Variants in ADCY5 observed in about 807,000 individuals in gnomAD.
ADCY5 encodes adenylate cyclase 5, also known as adenylate cyclase type 5.
In ADCY5, 30 loss-of-function variants were observed where a neutral mutation model predicts 119.7. The observed-to-expected ratio is 0.25, with a 90% CI of 0.19 to 0.34. ADCY5 has a LOEUF of 0.34. ADCY5 is among the 10% of genes least tolerant of loss of function. The pLI is 1.00. For synonymous variants in ADCY5, 753 were observed against 762.2 expected (o/e 0.99, Z 0.20); for missense variants, 1,324 against 1,775.2 (o/e 0.75, Z 4.57).
chr3:123,416,193 G>T (rs769804772), intron 1 of ADCY5: 2 of 1,536,058 alleles, frequency 1.3e-6, no homozygotes, highest in South Asian at 2.4e-5. Context: ...CCCTCCGTGG[G>T]GCCCATTCTC....
intron 1 of ADCY5, among the ~76,000 whole-genome samples, chr3:123,401,962 A>G (rs1944768544): frequency 6.6e-6 from 1 of 152,208 alleles, no homozygotes; most frequent in African/African-American, 2.4e-5. Context: ...CAGCCTCGAC[A>G]GGCTGGAGCA....
chr3:123,448,644 G>T lies in ADCY5; in HGVS notation c.-99C>A. ...CGGCCGAGCAGGGGGACCAGGCTAG[G>T]GTCACACGTCGGGGGCGGCCCGGGG... On this transcript the variant is annotated 5_prime_UTR_variant, in exon 1 of 21. Transcript: ENST00000462833. 2.6e-6 allele frequency: 3 copies of T among 1,150,138 alleles called. No individual in the cohort carries two copies. The highest frequency in any genetic ancestry group is 3.3e-6 in the Non-Finnish European group (3 of 909,180). The allele number at this position is 1,150,138 out of a possible 1,614,324, so 71.2% of individuals were successfully genotyped here. A position where few individuals can be genotyped will look rare whatever the true frequency, so the allele number is the denominator to read the frequency against.
At chr3:123,420,657 TG>T (rs940634911) in intron 1 of ADCY5, among the ~76,000 whole-genome samples, 2 of 152,154 alleles carry the variant, frequency 1.3e-5, no homozygotes, top group Admixed American at 1.3e-4. Flanking sequence ...TGTTTGTCCC[TG>T]GGGGGTAACA....
In ADCY5 at chr3:123,331,110, G is replaced by A; in HGVS notation, c.1519-94C>T. On this transcript the variant is annotated intron_variant, in intron 4 of 20. Coordinates refer to ENST00000462833, the MANE Select transcript of ADCY5 (RefSeq NM_183357.3). ...AGCAAAAAGATTCACCCCGTGCCTG[G>A]AATAACTTGCCTTTTAGGGCAGTGA... 6.4e-6 allele frequency: 9 copies of A among 1,407,830 alleles called. No homozygotes were observed. In the Middle Eastern group the frequency reaches 6.9e-4, roughly 108 times the overall value. 87.2% of individuals were successfully genotyped at this position (1,407,830 alleles called of 1,614,324 possible).
At chr3:123,314,999 C>T (rs576700087) in intron 11 of ADCY5, among the ~76,000 whole-genome samples, 6 of 152,312 alleles carry the variant, frequency 3.9e-5, no homozygotes, top group African/African-American at 1.4e-4. Flanking sequence ...GTGCAGATCA[C>T]AGGTGACCTT....
At chr3:123,429,899 CCAA>C (rs1945489137) in intron 1 of ADCY5, among the ~76,000 whole-genome samples, 1 of 152,196 alleles carries the variant, frequency 6.6e-6, no homozygotes, top group African/African-American at 2.4e-5. Context: ...CTCACCTGCC[CCAA>C]CGGCTGCCCT....
intron 1 of ADCY5, among the ~76,000 whole-genome samples, chr3:123,375,978 T>C (rs1393823729): frequency 6.9e-6 from 1 of 144,538 alleles, no homozygotes; most frequent in Non-Finnish European, 1.5e-5. Context: ...GTACTGATGG[T>C]GATGAGGAGT....
intron 8 of ADCY5, 101 bp from the exon 9 acceptor site, chr3:123,320,872 C>T (rs887117650): frequency 1.2e-6 from 1 of 836,864 alleles, no homozygotes; most frequent in African/African-American, 1.7e-5. Flanking sequence ...CTACAGTCTC[C>T]CAAAGGACGT....
chr3:123,416,348 A>G lies in ADCY5; in HGVS notation c.1134+31064T>C, dbSNP rs62262429. 7.2e-3 allele frequency: 11,032 copies of G among 1,526,462 alleles called. 48 individuals are homozygous for G. The highest frequency in any genetic ancestry group is 8.8e-3 in the Non-Finnish European group (9,983 of 1,140,336). The allele number at this position is 1,526,462 out of a possible 1,614,324, so 94.6% of individuals were successfully genotyped here. On this transcript the variant is annotated intron_variant, in intron 1 of 20. Coordinates refer to ENST00000462833, the MANE Select transcript of ADCY5 (RefSeq NM_183357.3). The stretch of plus-strand genomic sequence containing the variant: ...CCTTCCCTAGGACATTTATAGCCAG[A>G]ACATTTTGTCCCCTTGTCTTGGGGA...
chr3:123,284,743 G>C lies in ADCY5; in HGVS notation c.3658-7C>G. The C allele has an allele frequency of 2.5e-6, 4 of 1,614,098 alleles. No homozygotes were observed. Among genetic ancestry groups the C allele is most frequent in the Non-Finnish European group, 3.4e-6 (4 of 1,179,982 alleles). ...GGTACATGTCTGTGGTGACCTGTGG[G>C]GGAACAGGAGGAGAGAGGGCAAGCC... is the stretch of plus-strand genomic sequence containing the variant. On this transcript the variant is annotated splice_region_variant and splice_polypyrimidine_tract_variant and intron_variant, in intron 20 of 20. Transcript: ENST00000462833.
At chr3:123,327,455 T>G (rs1276125980) in intron 7 of ADCY5, among the ~76,000 whole-genome samples, 163 bp downstream of exon 7, 1 of 152,234 alleles carries the variant, frequency 6.6e-6, no homozygotes, top group Non-Finnish European at 1.5e-5. Context: ...ACCATCCTTT[T>G]TGCAAGGCCT....
chr3:123,318,955 C>T (rs757135617), intron 10 of ADCY5, among the ~76,000 whole-genome samples: 2 of 152,108 alleles, frequency 1.3e-5, no homozygotes, highest in Non-Finnish European at 2.9e-5. Flanking sequence ...CCTTGAGGTC[C>T]CAATGTGACA....
At chr3:123,362,037 G>C (rs1943265626) in intron 1 of ADCY5, among the ~76,000 whole-genome samples, 1 of 152,176 alleles carries the variant, frequency 6.6e-6, no homozygotes, top group Non-Finnish European at 1.5e-5. Context: ...CCACAGCACA[G>C]ATCTACCATA....
intron 3 of ADCY5, among the ~76,000 whole-genome samples, chr3:123,333,609 G>A (rs1559815084): frequency 6.6e-6 from 1 of 152,260 alleles, no homozygotes; most frequent in Non-Finnish European, 1.5e-5. Flanking sequence ...GGAAGGCAGG[G>A]GAGGGGCGTG....
intron 1 of ADCY5, among the ~76,000 whole-genome samples, chr3:123,427,892 G>A (rs1324030738): frequency 6.6e-6 from 1 of 152,206 alleles, no homozygotes; most frequent in Non-Finnish European, 1.5e-5. Context: ...GTAGATATTT[G>A]TTAAATAATT....
At chr3:123,326,782 AGGTGTCCCTCT>A (rs1408706317) in intron 7 of ADCY5, among the ~76,000 whole-genome samples, 2 of 116,400 alleles carry the variant, frequency 1.7e-5, no homozygotes, top group Non-Finnish European at 4.5e-5. Flanking sequence ...TGGTAGGATA[AGGTGTCCCTCT>A]GATGTCCCTC....
chr3:123,346,511 A>T (rs544004154), intron 3 of ADCY5, among the ~76,000 whole-genome samples: 14 of 152,138 alleles, frequency 9.2e-5, no homozygotes, highest in Non-Finnish European at 1.3e-4. Flanking sequence ...CAGGATCCAC[A>T]GTCTCGGATC....
In ADCY5 at chr3:123,282,397, G is replaced by T. The variant is rs969537021; in HGVS notation, c.*2211C>A. 2.0e-5 allele frequency: 3 copies of T among 152,300 alleles called. No individual in the cohort carries two copies. Among genetic ancestry groups the T allele is most frequent in the Non-Finnish European group, 4.4e-5 (3 of 68,050 alleles). 9.4% of individuals were successfully genotyped at this position (152,300 alleles called of 1,614,324 possible). A position where few individuals can be genotyped will look rare whatever the true frequency, so the allele number is the denominator to read the frequency against. On this transcript the variant is annotated 3_prime_UTR_variant, in exon 21 of 21. Transcript: ENST00000462833. Reference sequence around the variant, plus strand: ...GTTTTTGCAAGAGTAGGAATAAAAAGAGTGCACACCCTTTAGAGGGAACGA... The same window carrying T: ...GTTTTTGCAAGAGTAGGAATAAAAATAGTGCACACCCTTTAGAGGGAACGA...
chr3:123,392,818 G>A lies in ADCY5; in HGVS notation c.1135-40237C>T, dbSNP rs375666038. Among the ~76,000 whole-genome samples the A allele has an allele frequency of 3.3e-5, 5 of 149,498 alleles. No individual in the cohort carries two copies. The East Asian group carries it at 6.0e-4, about 18-fold the overall frequency. On this transcript the variant is annotated intron_variant, in intron 1 of 20. Transcript: ENST00000462833. ...TCCAGGCCTCACTAAAGACTCTAATGGTGCCCCTTATTCATCCTCCCACAT... is the reference window on the plus strand; with the variant it reads ...TCCAGGCCTCACTAAAGACTCTAATAGTGCCCCTTATTCATCCTCCCACAT...
Sources: gnomAD v4.1 joint callset for allele counts (sites outside exome capture counted in the v4.1 genomes callset) on GRCh38, gnomAD v4.1.1 for gene constraint, MANE v1.5 for transcripts, NCBI Gene and HGNC (gene_info 2026-07-23, HGNC 2026-07-21) for gene names.